The following SAP130 variants were observed in gnomAD, a reference collection of about 807,000 sequenced individuals.
SAP130 encodes histone deacetylase complex subunit SAP130.
In SAP130, 16 loss-of-function variants were observed where a neutral mutation model predicts 103.2. That is an observed-to-expected ratio of 0.16 (90% CI 0.10 to 0.24). The LOEUF (loss-of-function observed/expected upper bound fraction) is 0.24, where lower values mean the gene tolerates loss of function less well. SAP130 is among the 10% of genes least tolerant of loss of function. SAP130 has a pLI of 1.00. For missense variants in SAP130, 990 were observed against 1,359.7 expected (o/e 0.73, Z 4.28); for synonymous variants, 477 against 497.0 (o/e 0.96, Z 0.53).
At position 127,941,799 on chromosome 2, in the gene SAP130, A is replaced by G; in HGVS notation, c.*207T>C. 5.3e-6 allele frequency: 3 copies of G among 561,684 alleles called. No homozygotes were observed. The highest frequency in any genetic ancestry group is 3.3e-4 in the Middle Eastern group (1 of 3,030). The allele number at this position is 561,684 out of a possible 1,614,324, so 34.8% of individuals were successfully genotyped here. ...CACAGATCAGGTTTAACAGGGGTGC[A>G]CCCGAACGCAAGAAGGCAGCTCACT... is the stretch of plus-strand genomic sequence containing the variant. On this transcript the variant is annotated 3_prime_UTR_variant, in exon 21 of 21. Transcript: ENST00000643581.
At chr2:128,010,158 T>C (rs576192372) in intron 7 of SAP130, 111 bp downstream of exon 7, 1,177 of 966,132 alleles carry the variant, frequency 1.2e-3, no homozygotes, top group Non-Finnish European at 1.5e-3. Context: ...TAGCTCATTA[T>C]AAAAAAAAAA....
chr2:128,019,656 T>C (rs1254012225), intron 2 of SAP130, among the ~76,000 whole-genome samples: 1 of 152,042 alleles, frequency 6.6e-6, no homozygotes, highest in Non-Finnish European at 1.5e-5. Flanking sequence ...GAGGCCAAGG[T>C]GGGGAGATCA....
chr2:127,962,632 A>G (rs1680337906), intron 15 of SAP130, among the ~76,000 whole-genome samples: 1 of 151,998 alleles, frequency 6.6e-6, no homozygotes, highest in Non-Finnish European at 1.5e-5. Flanking sequence ...ACAAGGACAA[A>G]AAACCAAATA....
intron 1 of SAP130, among the ~76,000 whole-genome samples, chr2:128,027,504 G>A (rs1685605209): frequency 1.3e-5 from 2 of 152,092 alleles, no homozygotes. Context: ...GGCGCCCCCG[G>A]CGAAGGGGGC....
rs531803324 is a variant in SAP130, at chr2:127,983,391, G to A, written c.1958+3394C>T. Among the ~76,000 whole-genome samples, 60 of 152,266 alleles carry A rather than the reference G, an allele frequency of 3.9e-4. 1 individual carries two copies. Among genetic ancestry groups the A allele is most frequent in the Non-Finnish European group, 6.5e-4 (44 of 68,020 alleles). On this transcript the variant is annotated intron_variant, in intron 14 of 20. Coordinates refer to ENST00000643581, the MANE Select transcript of SAP130 (RefSeq NM_001330301.2). ...CTACTTTTTCAACTGTACATTTTAT[G>A]AAATCTAAATACAGATCAAGTGCTT...
At chr2:128,004,310 G>T (rs1683803762) in intron 7 of SAP130, among the ~76,000 whole-genome samples, 1 of 150,126 alleles carries the variant, frequency 6.7e-6, no homozygotes, top group African/African-American at 2.4e-5. Flanking sequence ...CAAAGGTAGG[G>T]ACAACCAAAC....
chr2:127,989,695 A>G lies in SAP130; in HGVS notation c.1649T>C (p.Ile550Thr), dbSNP rs367799667. The G allele has an allele frequency of 4.4e-5, 71 of 1,613,988 alleles. No homozygotes were observed. The Admixed American group carries it at 7.3e-4, about 17-fold the overall frequency. The change falls in exon 13 of 21, where the codon ATT becomes ACT. Residue 550 changes from isoleucine (I) to threonine (T), a missense_variant. This residue lies in a region of SAP130 where 349 missense variants were observed against 384.1 expected (regional missense o/e 0.91). Transcript: ENST00000643581. This position sits in a 1 kb window ranked among gnomAD's most constrained non-coding sequence, Gnocchi z 4.6. ...TGCAGGCTGTATCCCTGGGGTCCCAATGGGGGCCGGCTGGATACCCTGGGT... is the reference window on the plus strand; with the variant it reads ...TGCAGGCTGTATCCCTGGGGTCCCAGTGGGGGCCGGCTGGATACCCTGGGT... ...ISTQGIQPAP[I>T]GTPGIQPAPL...
chr2:128,018,623 C>A (rs772141527), intron 2 of SAP130, among the ~76,000 whole-genome samples: 17 of 151,822 alleles, frequency 1.1e-4, no homozygotes, highest in Middle Eastern at 3.4e-3. Context: ...AAGACTCCAT[C>A]TCTGCAAAAA....
chr2:127,990,172 T>C (rs1405181817), intron 12 of SAP130, among the ~76,000 whole-genome samples: 10 of 152,112 alleles, frequency 6.6e-5, no homozygotes, highest in Admixed American at 5.9e-4. Context: ...AAATAATTAA[T>C]ATAAAACGTC....
chr2:128,027,903 CCT>C, intron 1 of SAP130, 35 bp downstream of exon 1: 1 of 981,040 alleles, frequency 1.0e-6, no homozygotes, highest in African/African-American at 1.8e-5. Flanking sequence ...CCCCTCGTCT[CCT>C]CCCCTTCCCT....
chr2:127,963,896 T>C (rs1188395371), intron 15 of SAP130, among the ~76,000 whole-genome samples: 1 of 152,262 alleles, frequency 6.6e-6, no homozygotes, highest in Non-Finnish European at 1.5e-5. Context: ...CTATCATTAT[T>C]TGCATAGAAC....
chr2:128,012,983 T>G, intron 6 of SAP130, 47 bp downstream of exon 6: 1 of 1,549,148 alleles, frequency 6.5e-7, no homozygotes, highest in Non-Finnish European at 8.7e-7. Flanking sequence ...CCTGGCAGAA[T>G]GAATAACTCC....
At chr2:127,958,664 G>C (rs1559041209) in intron 15 of SAP130, among the ~76,000 whole-genome samples, 2 of 150,784 alleles carry the variant, frequency 1.3e-5, no homozygotes, top group African/African-American at 4.9e-5. Flanking sequence ...GAGAGAGAGA[G>C]AGAGAGAGAG....
intron 7 of SAP130, among the ~76,000 whole-genome samples, chr2:128,004,008 A>G (rs1009857285): frequency 2.5e-4 from 30 of 119,958 alleles, no homozygotes; most frequent in Admixed American, 9.8e-5. Flanking sequence ...CCTGAAAGGC[A>G]ACTCCAAGGA....
intron 7 of SAP130, among the ~76,000 whole-genome samples, chr2:128,009,480 A>G (rs1424372347): frequency 6.6e-6 from 1 of 152,072 alleles, no homozygotes; most frequent in Non-Finnish European, 1.5e-5. Context: ...CCAAAAAATA[A>G]TAATAATCTA....
chr2:128,002,375 C>T (rs1050675406), intron 7 of SAP130, among the ~76,000 whole-genome samples: 3 of 151,422 alleles, frequency 2.0e-5, no homozygotes, highest in Non-Finnish European at 4.4e-5. Context: ...ACTAAAAATA[C>T]AAAATTAACC....
At position 128,017,813 on chromosome 2, in the gene SAP130, A is replaced by G; in HGVS notation, c.215T>C (p.Val72Ala). The stretch of plus-strand genomic sequence containing the variant: ...CATCTGCACCTGTGGATAGGGCCTT[A>G]CCACAACAGGCTCTTGCTTCTCCTC... ...SREEKQEPVV[V>A]RPYPQVQMLS... Residue 72 changes from valine (V) to alanine (A), a missense_variant, in exon 3 of 21, where the codon GTA becomes GCA. This residue lies in a region of SAP130 where 167 missense variants were observed against 187.4 expected (regional missense o/e 0.89). Coordinates refer to ENST00000643581, the MANE Select transcript of SAP130 (RefSeq NM_001330301.2). The G allele has an allele frequency of 6.2e-7, 1 of 1,614,216 alleles. No homozygotes were observed. The highest frequency in any genetic ancestry group is 1.1e-5 in the South Asian group (1 of 91,088).
At chr2:128,012,056 C>T (rs1297091768) in intron 6 of SAP130, among the ~76,000 whole-genome samples, 2 of 152,164 alleles carry the variant, frequency 1.3e-5, no homozygotes, top group Admixed American at 1.3e-4. Flanking sequence ...TCAGACAATC[C>T]GCCCGCCTTG....
rs750897340 is a variant in SAP130 at position 127,954,938 on chromosome 2, AG to A, written c.2422+47del. ...CTGGATGCTGGAGGAGAATTAGGGA[AG>A]GGGAAGAGGCAATTGCCAATGGAGA... On this transcript the variant is annotated intron_variant, in intron 16 of 20. Transcript: ENST00000643581. The A allele has an allele frequency of 5.1e-6, 7 of 1,370,296 alleles. No individual in the cohort carries two copies. In the East Asian group the frequency reaches 9.3e-5, roughly 18 times the overall value. The allele number at this position is 1,370,296 out of a possible 1,614,324, so 84.9% of individuals were successfully genotyped here.
Sources: gnomAD v4.1 joint callset for allele counts (sites outside exome capture counted in the v4.1 genomes callset) on GRCh38, gnomAD v4.1.1 for gene constraint, gnomAD v4.1.1 regional missense constraint, Gnocchi (gnomAD v3.1) non-coding constraint, MANE v1.5 for transcripts, NCBI Gene and HGNC (gene_info 2026-07-23, HGNC 2026-07-21) for gene names.